SLC35F3: variants seen among roughly 807,000 people sequenced by gnomAD.
SLC35F3 encodes putative thiamine transporter SLC35F3.
Under a neutral mutation model 49.9 loss-of-function variants are expected in SLC35F3, and 25 were observed. That is an observed-to-expected ratio of 0.50 (90% CI 0.37 to 0.70). The LOEUF (loss-of-function observed/expected upper bound fraction) is 0.70, where lower values mean the gene tolerates loss of function less well. Ranked by LOEUF, SLC35F3 falls within the 30% of genes least tolerant of loss-of-function variation. SLC35F3 has a pLI of 0.00. For synonymous variants in SLC35F3, 275 were observed against 265.4 expected (o/e 1.04, Z -0.35); for missense variants, 525 against 639.8 (o/e 0.82, Z 1.94).
At chr1:234,234,181 G>C (rs1219268328) in intron 3 of SLC35F3, among the ~76,000 whole-genome samples, 1 of 152,194 alleles carries the variant, frequency 6.6e-6, no homozygotes, top group Non-Finnish European at 1.5e-5. Flanking sequence ...ATTTGTCTGA[G>C]GAGATGAGTC....
intron 2 of SLC35F3, among the ~76,000 whole-genome samples, chr1:233,979,765 G>A (rs1234561256): frequency 6.6e-6 from 1 of 152,210 alleles, no homozygotes; most frequent in African/African-American, 2.4e-5. Context: ...GTTCTGAACA[G>A]GCTGCACCGG....
chr1:234,319,383 C>T (rs545847303), intron 6 of SLC35F3, among the ~76,000 whole-genome samples: 1 of 152,308 alleles, frequency 6.6e-6, no homozygotes, highest in East Asian at 1.9e-4. Flanking sequence ...CAACCAAGGA[C>T]ATGACTTACC....
intron 2 of SLC35F3, among the ~76,000 whole-genome samples, chr1:233,993,156 G>A (rs752256788): frequency 1.5e-4 from 23 of 152,008 alleles, no homozygotes; most frequent in African/African-American, 1.4e-4. Flanking sequence ...TAGTAGAGAC[G>A]GGGTTTCACC....
At chr1:234,292,870 G>A (rs564124339) in intron 3 of SLC35F3, among the ~76,000 whole-genome samples, 1 of 152,286 alleles carries the variant, frequency 6.6e-6, no homozygotes, top group African/African-American at 2.4e-5. Flanking sequence ...GGTACTTCCA[G>A]CTTTAGATTT....
At chr1:234,009,892 C>A (rs901408241) in intron 2 of SLC35F3, among the ~76,000 whole-genome samples, 1 of 152,178 alleles carries the variant, frequency 6.6e-6, no homozygotes, top group Non-Finnish European at 1.5e-5. Context: ...GAATACTTTA[C>A]CTGACAAAAC....
At chr1:234,286,884 C>T (rs142783697) in intron 3 of SLC35F3, among the ~76,000 whole-genome samples, 2 of 152,256 alleles carry the variant, frequency 1.3e-5, no homozygotes, top group African/African-American at 4.8e-5. Flanking sequence ...ATAAAAGTAA[C>T]TATGGCTGGG....
intron 2 of SLC35F3, among the ~76,000 whole-genome samples, chr1:234,108,675 T>C (rs60767938): frequency 1.9e-3 from 211 of 112,430 alleles, no homozygotes; most frequent in African/African-American, 5.0e-3. Context: ...ATAAAAGATA[T>C]ATATATTTTT....
At position 233,905,711 on chromosome 1, in the gene SLC35F3, G is replaced by C. The variant is rs111543981; in HGVS notation, c.236G>C (p.Arg79Pro). 8 of 1,614,178 alleles carry C rather than the reference G, an allele frequency of 5.0e-6. No homozygotes were observed. Among genetic ancestry groups the C allele is most frequent in the African/African-American group, 1.3e-5 (1 of 75,072 alleles). The stretch of plus-strand genomic sequence containing the variant: ...ACGTCCATCGAGGAGCGGATCCTGC[G>C]CATCACTGGCTACTATGGCTACCAG... Reference protein sequence around the residue: ...GLTSIEERILRITGYYGYQPW... With the variant: ...GLTSIEERILPITGYYGYQPW... The change falls in exon 2 of 8, where the codon CGC becomes CCC. Residue 79 changes from arginine (R) to proline (P), a missense_variant. Physicochemically the swap from Arg to Pro is moderately radical, Grantham distance 103. Coordinates refer to ENST00000366618, the MANE Select transcript of SLC35F3 (RefSeq NM_173508.4).
chr1:234,115,815 T>C (rs985047343), intron 2 of SLC35F3, among the ~76,000 whole-genome samples: 21 of 149,060 alleles, frequency 1.4e-4, no homozygotes, highest in Non-Finnish European at 1.5e-5. Flanking sequence ...CCAAAAAGTA[T>C]CTGAGACTTA....
chr1:234,199,144 C>G (rs1332141045), intron 2 of SLC35F3, among the ~76,000 whole-genome samples: 1 of 151,890 alleles, frequency 6.6e-6, no homozygotes, highest in African/African-American at 2.4e-5. Context: ...GGGAGGATTG[C>G]TTAAGCTCGG....
At chr1:234,041,990 G>C (rs1340531344) in intron 2 of SLC35F3, among the ~76,000 whole-genome samples, 1 of 152,154 alleles carries the variant, frequency 6.6e-6, no homozygotes, top group African/African-American at 2.4e-5. Context: ...TATGGCATCA[G>C]TGGGGCCCAT....
chr1:233,944,745 A>G (rs1662485294), intron 2 of SLC35F3, among the ~76,000 whole-genome samples: 2 of 152,222 alleles, frequency 1.3e-5, no homozygotes, highest in South Asian at 4.1e-4. Context: ...AGAAACAAAA[A>G]GCTATAGAAG....
intron 3 of SLC35F3, among the ~76,000 whole-genome samples, chr1:234,300,772 ATC>A (rs1010261527): frequency 7.9e-5 from 12 of 152,208 alleles, no homozygotes; most frequent in Non-Finnish European, 1.3e-4. Context: ...GAAGAGGAGG[ATC>A]TCTCTGAGTG....
At chr1:234,194,874 C>G (rs905223466) in intron 2 of SLC35F3, among the ~76,000 whole-genome samples, 1 of 152,166 alleles carries the variant, frequency 6.6e-6, no homozygotes, top group Non-Finnish European at 1.5e-5. Flanking sequence ...TGTTAGCCCA[C>G]ACTGCACCCA....
At chr1:234,212,255 G>T (rs915690098) in intron 2 of SLC35F3, among the ~76,000 whole-genome samples, 3 of 152,212 alleles carry the variant, frequency 2.0e-5, no homozygotes, top group African/African-American at 2.4e-5. Context: ...AGTAGAACAC[G>T]TGTGTAGAGG....
chr1:234,076,100 C>T (rs1425488397), intron 2 of SLC35F3, among the ~76,000 whole-genome samples: 1 of 152,068 alleles, frequency 6.6e-6, no homozygotes, highest in Non-Finnish European at 1.5e-5. Flanking sequence ...GTCTCAGATA[C>T]TTTTTGTTTT....
chr1:234,181,338 G>GAAAAAAAAAAAAAAAAGAAAAAAAA (rs1666553244), intron 2 of SLC35F3, among the ~76,000 whole-genome samples: 2 of 97,310 alleles, frequency 2.1e-5, no homozygotes, highest in African/African-American at 3.9e-5. Context: ...TCTGTCTCAA[G>GAAAAAAAAAAAAAAAAGAAAAAAAA]AAAAAAAAAA....
At chr1:234,216,017 GTCT>G (rs1340659222) in intron 2 of SLC35F3, among the ~76,000 whole-genome samples, 2 of 152,126 alleles carry the variant, frequency 1.3e-5, no homozygotes, top group Admixed American at 6.5e-5. Flanking sequence ...TCTTGTGGCT[GTCT>G]TCTTCTCTCC....
intron 2 of SLC35F3, among the ~76,000 whole-genome samples, chr1:233,945,323 A>G (rs1168631223): frequency 1.3e-5 from 2 of 152,130 alleles, no homozygotes; most frequent in African/African-American, 4.8e-5. Context: ...TCCAATTGTA[A>G]TTCAGCACTA....
Sources: allele counts gnomAD v4.1 joint callset (sites outside exome capture counted in the v4.1 genomes callset), GRCh38; gene constraint gnomAD v4.1.1; transcripts MANE v1.5; gene names NCBI Gene and HGNC (gene_info 2026-07-23, HGNC 2026-07-21).